The following DNAH14 variants were observed in gnomAD, a reference collection of about 807,000 sequenced individuals.
DNAH14 encodes the protein dynein axonemal heavy chain 14.
Under a neutral mutation model 520.9 loss-of-function variants are expected in DNAH14, and 478 were observed. The observed-to-expected ratio is 0.92, with a 90% CI of 0.85 to 0.99. DNAH14 has a LOEUF of 0.99. DNAH14 is among the 50% of genes least tolerant of loss of function. The pLI is 0.00. For missense variants in DNAH14, 4,831 were observed against 5,234.5 expected (o/e 0.92, Z 2.38); for synonymous variants, 1,581 against 1,757.2 (o/e 0.90, Z 2.51).
chr1:225,144,636 G>GT lies in DNAH14; in HGVS notation c.4740+11dup. On this transcript the variant is annotated intron_variant, in intron 29 of 85. Coordinates refer to ENST00000682510, the MANE Select transcript of DNAH14 (RefSeq NM_001367479.1). ...GTCAAAGATCTAGCAAAAGTAAGTG[G>GT]TTTCTGTATCCAGAATAAAAACTTT... 6.5e-7 allele frequency: 1 copy of GT among 1,543,764 alleles called. No individual in the cohort carries two copies.
intron 83 of DNAH14, 108 bp downstream of exon 83, chr1:225,389,981 G>T (rs1277903407): frequency 2.1e-6 from 2 of 972,526 alleles, no homozygotes; most frequent in South Asian, 1.7e-5. Flanking sequence ...CAACACCTGC[G>T]CCTCCACAGG....
chr1:224,998,678 G>A, intron 8 of DNAH14, among the ~76,000 whole-genome samples: 1 of 151,424 alleles, frequency 6.6e-6, no homozygotes, highest in African/African-American at 2.5e-5. Flanking sequence ...GTTGTTTCCA[G>A]GATATGGTCT....
At chr1:225,354,077 A>G in intron 73 of DNAH14, 189 bp downstream of exon 73, 1 of 696,980 alleles carries the variant, frequency 1.4e-6, no homozygotes, top group Non-Finnish European at 2.7e-6. Context: ...GTCCAATGTG[A>G]GTAACATTCC....
At chr1:225,009,783 A>C (rs2064541975) in intron 10 of DNAH14, among the ~76,000 whole-genome samples, 1 of 152,116 alleles carries the variant, frequency 6.6e-6, no homozygotes, top group Non-Finnish European at 1.5e-5. Flanking sequence ...TATTTCCTTG[A>C]ACAGTTGTTT....
intron 23 of DNAH14, among the ~76,000 whole-genome samples, chr1:225,106,597 C>G (rs1463036919): frequency 6.6e-6 from 1 of 152,094 alleles, no homozygotes; most frequent in African/African-American, 2.4e-5. Context: ...TCTTTTTTCT[C>G]TAAACTTTTC....
chr1:225,186,082 G>A (rs762447827), intron 37 of DNAH14, among the ~76,000 whole-genome samples: 45 of 150,042 alleles, frequency 3.0e-4, no homozygotes, highest in African/African-American at 1.0e-3. Flanking sequence ...CTTGCATAGT[G>A]CCTACTTAGT....
chr1:225,300,217 T>C (rs1373952287), intron 55 of DNAH14, among the ~76,000 whole-genome samples: 1 of 152,196 alleles, frequency 6.6e-6, no homozygotes, highest in African/African-American at 2.4e-5. Context: ...TGTAAATGTA[T>C]TGAGGGCTTC....
intron 37 of DNAH14, among the ~76,000 whole-genome samples, chr1:225,189,773 C>T (rs71646706): frequency 1.8e-3 from 274 of 152,028 alleles, no homozygotes; most frequent in Non-Finnish European, 3.0e-3. Context: ...AATTGGCAAA[C>T]TTAATCTATT....
chr1:225,107,764 G>T (rs532215192), intron 23 of DNAH14, among the ~76,000 whole-genome samples: 1 of 152,250 alleles, frequency 6.6e-6, no homozygotes, highest in South Asian at 2.1e-4. Context: ...CACAAACAGT[G>T]TACAAGGGTT....
At chr1:225,327,982 A>G (rs574980421) in intron 64 of DNAH14, among the ~76,000 whole-genome samples, 1 of 152,336 alleles carries the variant, frequency 6.6e-6, no homozygotes, top group East Asian at 1.9e-4. Context: ...GTGAAAAAAT[A>G]TTCAGATTTT....
In DNAH14 at chr1:225,002,811, G is replaced by T. The variant is rs2063862728; in HGVS notation, c.859G>T (p.Ala287Ser). 7.1e-6 allele frequency: 11 copies of T among 1,546,962 alleles called. 1 individual carries two copies. The highest frequency in any genetic ancestry group is 3.3e-4 in the Middle Eastern group (2 of 5,988). The change falls in exon 9 of 86, where the codon GCT becomes TCT. Residue 287 changes from alanine to serine, a missense_variant. Ala to Ser is a moderately conservative substitution (Grantham distance 99). Transcript: ENST00000682510. ...RSFLYHHLFL[A>S]DDLFQTCLVY... is the part of the protein sequence containing the mutation. ...ATTTTTGTACCACCATCTTTTTTTGGCTGATGACTTGTTTCAAACCTGTTT... is the reference window on the plus strand; with the variant it reads ...ATTTTTGTACCACCATCTTTTTTTGTCTGATGACTTGTTTCAAACCTGTTT...
chr1:225,316,764 G>T (rs893685677), intron 60 of DNAH14, among the ~76,000 whole-genome samples: 1 of 152,142 alleles, frequency 6.6e-6, no homozygotes, highest in Non-Finnish European at 1.5e-5. Context: ...CGTTGATCTC[G>T]CTGGGAGCTG....
chr1:225,317,859 T>A (rs940684216), intron 60 of DNAH14, among the ~76,000 whole-genome samples: 12 of 152,210 alleles, frequency 7.9e-5, no homozygotes, highest in African/African-American at 2.7e-4. Context: ...GACAAGTTTC[T>A]ATTACAATAT....
At chr1:225,367,194 ACT>A (rs1167772555) in intron 76 of DNAH14, among the ~76,000 whole-genome samples, 1 of 151,910 alleles carries the variant, frequency 6.6e-6, no homozygotes, top group African/African-American at 2.4e-5. Context: ...TAACAGCCAC[ACT>A]CTCAAAAAAG....
At chr1:225,326,626 A>C (rs2094677320) in intron 64 of DNAH14, among the ~76,000 whole-genome samples, 1 of 152,052 alleles carries the variant, frequency 6.6e-6, no homozygotes, top group East Asian at 1.9e-4. Context: ...GAATGGAAGA[A>C]ACCCAAGAAA....
chr1:225,398,415 G>T, intron 84 of DNAH14, 105 bp from the exon 85 acceptor site: 2 of 1,364,270 alleles, frequency 1.5e-6, no homozygotes, highest in Non-Finnish European at 2.0e-6. Flanking sequence ...ACATGCCTTA[G>T]GCAGGATGAG....
chr1:224,966,567 A>T (rs2061178506), intron 5 of DNAH14, among the ~76,000 whole-genome samples: 1 of 152,192 alleles, frequency 6.6e-6, no homozygotes, highest in African/African-American at 2.4e-5. Flanking sequence ...TGGGAGAGGC[A>T]TTATAGTTTA....
chr1:224,990,956 A>G (rs530301232), intron 8 of DNAH14, among the ~76,000 whole-genome samples: 116 of 151,342 alleles, frequency 7.7e-4, no homozygotes, highest in African/African-American at 2.4e-3. Flanking sequence ...GCCAACACTC[A>G]TTTATTTTTC....
chr1:225,202,951 T>C (rs1219289964), intron 38 of DNAH14, among the ~76,000 whole-genome samples: 2 of 152,218 alleles, frequency 1.3e-5, no homozygotes, highest in African/African-American at 4.8e-5. Flanking sequence ...GCAGATCTTC[T>C]TTCATGATCT....
Sources: allele counts gnomAD v4.1 joint callset (sites outside exome capture counted in the v4.1 genomes callset), GRCh38; gene constraint gnomAD v4.1.1; transcripts MANE v1.5; gene names NCBI Gene and HGNC (gene_info 2026-07-23, HGNC 2026-07-21).